The following KANSL1L variants were observed in gnomAD, a reference collection of about 807,000 sequenced individuals.
KANSL1L encodes KAT8 regulatory NSL complex subunit 1 like.
In KANSL1L, 25 loss-of-function variants were observed where a neutral mutation model predicts 108.6. The observed-to-expected ratio is 0.23, with a 90% CI of 0.17 to 0.32. The LOEUF (loss-of-function observed/expected upper bound fraction) is 0.32, where lower values mean the gene tolerates loss of function less well. Ranked by LOEUF, KANSL1L falls within the 10% of genes least tolerant of loss-of-function variation. KANSL1L has a pLI of 1.00. For missense variants in KANSL1L, 1,137 were observed against 1,125.7 expected (o/e 1.01, Z -0.14); for synonymous variants, 405 against 395.1 (o/e 1.03, Z -0.30).
Position 210,043,979 on chromosome 2 carries a change from C to T in KANSL1L, c.1881G>A (p.Glu627=), listed in dbSNP as rs138247867. The change falls in exon 7 of 15, where the codon GAG becomes GAA. Residue 627 remains glutamate (E), a synonymous_variant. Transcript: ENST00000281772. ...GAACAGAATGGAAAGAGGAATCTAA[C>T]TCTGATACATGTTCTCTTAATAGGT... ...ESYLLREHVS[E]LDSSFHSVLS... 9 of 1,604,158 alleles carry T rather than the reference C, an allele frequency of 5.6e-6. No individual in the cohort carries two copies. In the East Asian group the frequency reaches 1.6e-4, roughly 28 times the overall value.
Position 210,023,067 on chromosome 2 carries a change from C to T in KANSL1L, c.2846G>A (p.Gly949Asp). The T allele has an allele frequency of 6.2e-7, 1 of 1,613,962 alleles. No homozygotes were observed. Among genetic ancestry groups the T allele is most frequent in the Non-Finnish European group, 8.5e-7 (1 of 1,179,916 alleles). Residue 949 changes from glycine (G) to aspartate (D), a missense_variant, in exon 15 of 15, where the codon GGT becomes GAT. Coordinates refer to ENST00000281772, the MANE Select transcript of KANSL1L (RefSeq NM_152519.4). ...QVERSSTAFH[G>D]EIFGTSVPEN... ...TGGTACACTGGTACCGAAGATTTCA[C>T]CATGGAAAGCTGTGCTTGACCTTTC... is the stretch of plus-strand genomic sequence containing the variant.
chr2:210,127,264 C>T (rs2095074743), intron 3 of KANSL1L, among the ~76,000 whole-genome samples: 2 of 152,102 alleles, frequency 1.3e-5, no homozygotes, highest in African/African-American at 4.8e-5. Flanking sequence ...AAACTGGACC[C>T]TTACCTAACA....
intron 7 of KANSL1L, among the ~76,000 whole-genome samples, chr2:210,042,421 GTATT>G (rs1184096954): frequency 1.3e-5 from 2 of 152,126 alleles, no homozygotes; most frequent in African/African-American, 4.8e-5. Context: ...AGGATAAAGA[GTATT>G]TATACCAGCT....
At chr2:210,029,724 G>T in intron 10 of KANSL1L, 79 bp downstream of exon 10, 1 of 714,230 alleles carries the variant, frequency 1.4e-6, no homozygotes. Flanking sequence ...TTATAGATTA[G>T]CAAAATATAA....
intron 3 of KANSL1L, among the ~76,000 whole-genome samples, chr2:210,123,090 G>C (rs186032121): frequency 1.3e-5 from 2 of 152,202 alleles, no homozygotes; most frequent in African/African-American, 4.8e-5. Context: ...CTGGTGGTGG[G>C]AATGTATATT....
chr2:210,089,612 G>A (rs943597611), intron 5 of KANSL1L, among the ~76,000 whole-genome samples: 4 of 151,252 alleles, frequency 2.6e-5, no homozygotes, highest in Admixed American at 6.6e-5. Flanking sequence ...TAAAAGTTGT[G>A]TATTCTCATA....
rs144669575 is a variant in KANSL1L at position 210,154,364 on chromosome 2, A to G, written c.219T>C (p.Ser73=). ...AAAAAACAGTCTGGTAATGTTTTGAAGACTGAGGGGAGCCAAAATGTTTTA... is the reference window on the plus strand; with the variant it reads ...AAAAAACAGTCTGGTAATGTTTTGAGGACTGAGGGGAGCCAAAATGTTTTA... ...VNLKHFGSPQ[S]SKHYQTVFLM... is the part of the protein sequence containing the mutation. The change falls in exon 2 of 15, where the codon TCT becomes TCC. Residue 73 remains serine (S), a synonymous_variant. Coordinates refer to ENST00000281772, the MANE Select transcript of KANSL1L (RefSeq NM_152519.4). 2.5e-6 allele frequency: 4 copies of G among 1,611,268 alleles called. No individual in the cohort carries two copies. Among genetic ancestry groups the G allele is most frequent in the Non-Finnish European group, 3.4e-6 (4 of 1,179,014 alleles).
rs571839697 is a variant in KANSL1L at position 210,096,229 on chromosome 2, A to G, written c.1550+1857T>C. 2.6e-5 allele frequency among the ~76,000 whole-genome samples: 4 copies of G among 152,292 alleles called. No individual in the cohort carries two copies. The South Asian group carries it at 6.2e-4, about 24-fold the overall frequency. On this transcript the variant is annotated intron_variant, in intron 5 of 14. Coordinates refer to ENST00000281772, the MANE Select transcript of KANSL1L (RefSeq NM_152519.4). ...CCAATTTTCCATTTCTTTCATTTGGATCTACATATCTTTATGAGGTATCTT... is the reference window on the plus strand; with the variant it reads ...CCAATTTTCCATTTCTTTCATTTGGGTCTACATATCTTTATGAGGTATCTT...
At chr2:210,036,406 T>C (rs1235189779) in intron 8 of KANSL1L, among the ~76,000 whole-genome samples, 1 of 151,996 alleles carries the variant, frequency 6.6e-6, no homozygotes, top group Non-Finnish European at 1.5e-5. Flanking sequence ...GGTCTTGAAC[T>C]CCTGGGCTCA....
At chr2:210,127,355 G>A (rs2095075656) in intron 3 of KANSL1L, among the ~76,000 whole-genome samples, 1 of 152,094 alleles carries the variant, frequency 6.6e-6, no homozygotes, top group Non-Finnish European at 1.5e-5. Flanking sequence ...AAGAAATATA[G>A]GGTAAGTGCT....
intron 1 of KANSL1L, among the ~76,000 whole-genome samples, chr2:210,163,595 TG>T (rs2095372361): frequency 6.6e-6 from 1 of 151,756 alleles, no homozygotes; most frequent in South Asian, 2.1e-4. Context: ...AAAAGAAAAT[TG>T]AAACAATAAT....
At chr2:210,067,576 G>A (rs2094475213) in intron 6 of KANSL1L, among the ~76,000 whole-genome samples, 1 of 151,860 alleles carries the variant, frequency 6.6e-6, no homozygotes, top group African/African-American at 2.4e-5. Flanking sequence ...GGGGGCATGT[G>A]CCAGTCATCT....
At position 210,163,378 on chromosome 2, in the gene KANSL1L, T is replaced by C. The variant is rs1471165185; in HGVS notation, c.-30+7771A>G. ...ACTGCAACAAAAATAATGTCTTTGA[T>C]GGGCTTAGTAGCAGACTGGATGTGG... On this transcript the variant is annotated intron_variant, in intron 1 of 14. Transcript: ENST00000281772. Among the ~76,000 whole-genome samples, 3 of 152,308 alleles carry C rather than the reference T, an allele frequency of 2.0e-5. No homozygotes were observed. The East Asian group carries it at 5.8e-4, about 29-fold the overall frequency.
At chr2:210,084,305 C>T (rs1259347746) in intron 5 of KANSL1L, among the ~76,000 whole-genome samples, 4 of 151,978 alleles carry the variant, frequency 2.6e-5, no homozygotes, top group Non-Finnish European at 4.4e-5. Context: ...ACCTGTAATC[C>T]TAGCTGTTCA....
At chr2:210,095,172 A>G (rs890096602) in intron 5 of KANSL1L, among the ~76,000 whole-genome samples, 1 of 152,036 alleles carries the variant, frequency 6.6e-6, no homozygotes, top group Non-Finnish European at 1.5e-5. Flanking sequence ...TGTTTTCTAC[A>G]TTTCTCACCT....
intron 5 of KANSL1L, among the ~76,000 whole-genome samples, chr2:210,081,688 G>C (rs928180111): frequency 2.0e-5 from 3 of 152,124 alleles, no homozygotes; most frequent in Admixed American, 2.0e-4. Context: ...TGAGGGAATG[G>C]AGAAATACTG....
intron 8 of KANSL1L, 143 bp from the exon 9 acceptor site, chr2:210,031,689 T>TC (rs1424492638): frequency 2.0e-6 from 1 of 506,352 alleles, no homozygotes; most frequent in Non-Finnish European, 3.4e-6. Context: ...GACACACAAC[T>TC]CCAACTAAAA....
intron 2 of KANSL1L, among the ~76,000 whole-genome samples, chr2:210,139,731 T>A (rs1048420874): frequency 8.6e-5 from 13 of 151,854 alleles, no homozygotes; most frequent in Non-Finnish European, 1.8e-4. Flanking sequence ...TTCAGGTCCT[T>A]TGCCCATTTC....
chr2:210,119,462 TAAC>T (rs2094992799), intron 3 of KANSL1L, among the ~76,000 whole-genome samples: 1 of 152,102 alleles, frequency 6.6e-6, no homozygotes, highest in South Asian at 2.1e-4. Flanking sequence ...GCAAACCAAA[TAAC>T]AACATATTAA....
Sources: allele counts gnomAD v4.1 joint callset (sites outside exome capture counted in the v4.1 genomes callset), GRCh38; gene constraint gnomAD v4.1.1; transcripts MANE v1.5; gene names NCBI Gene and HGNC (gene_info 2026-07-23, HGNC 2026-07-21).